The following OR51D1 variants were observed in gnomAD, a reference collection of about 807,000 sequenced individuals.
The protein encoded by OR51D1 is olfactory receptor 51D1.
For missense variants in OR51D1, 452 were observed against 396.2 expected, an observed-to-expected ratio of 1.14 and a Z score of -1.20; for synonymous variants, 187 against 161.1, an observed-to-expected ratio of 1.16 and a Z score of -1.22.
rs766483822 is a variant in OR51D1 at position 4,640,283 on chromosome 11, G to T, written c.493G>T (p.Gly165Trp). The T allele has an allele frequency of 1.3e-5, 21 of 1,614,048 alleles. No individual in the cohort carries two copies. Among genetic ancestry groups the T allele is most frequent in the African/African-American group, 2.7e-5 (2 of 74,910 alleles). Residue 165 changes from glycine to tryptophan, a missense_variant, in exon 2 of 2, where the codon GGG becomes TGG. Gly to Trp is a radical substitution (Grantham distance 184, BLOSUM62 -2). Transcript: ENST00000641817. ...AKIGLSALTR[G>W]FVFFFPLPFI... ...GATTGGACTATCTGCCCTGACCAGG[G>T]GGTTTGTATTCTTCTTCCCACTGCC...
chr11:4,640,394 T>C lies in OR51D1; in HGVS notation c.604T>C (p.Cys202Arg). The change falls in exon 2 of 2, where the codon TGT becomes CGT. Residue 202 changes from cysteine (C) to arginine (R), a missense_variant. By Grantham distance (180) the Cys-to-Arg change is radical. Coordinates refer to ENST00000641817, the MANE Select transcript of OR51D1 (RefSeq NM_001004751.3). ...GCACCAAGATATTATGAAGCTGTCC[T>C]GTACTGACACCAGGGTCAATGTGGT... ...CLHQDIMKLS[C>R]TDTRVNVVYG... The C allele has an allele frequency of 6.2e-7, 1 of 1,614,244 alleles. No homozygotes were observed. The highest frequency in any genetic ancestry group is 8.5e-7 in the Non-Finnish European group (1 of 1,180,038).
Position 4,640,543 on chromosome 11 carries a change from C to T in OR51D1, c.753C>T (p.Phe251=). The T allele has an allele frequency of 6.2e-7, 1 of 1,613,850 alleles. No individual in the cohort carries two copies. Among genetic ancestry groups the T allele is most frequent in the South Asian group, 1.1e-5 (1 of 91,068 alleles). The change falls in exon 2 of 2, where the codon TTC becomes TTT. Residue 251 remains phenylalanine, a synonymous_variant. Coordinates refer to ENST00000641817, the MANE Select transcript of OR51D1 (RefSeq NM_001004751.3). Reference sequence around the variant, plus strand: ...CTCGGAGGGCAGCACTCAAGGCTTTCAACACCTGCATCTCCCACCTCTGTG... The same window carrying T: ...CTCGGAGGGCAGCACTCAAGGCTTTTAACACCTGCATCTCCCACCTCTGTG... ...LSSRRAALKA[F]NTCISHLCAV...
intron 1 of OR51D1, 165 bp from the exon 2 acceptor site, chr11:4,639,612 A>T: frequency 1.5e-6 from 1 of 662,022 alleles, no homozygotes; most frequent in South Asian, 2.0e-5. Context: ...AGGAAGTTGT[A>T]TATAAGGAGA....
rs1377763501 is a variant in OR51D1 at position 4,641,711 on chromosome 11, G to A, written c.*946G>A. On this transcript the variant is annotated 3_prime_UTR_variant, in exon 2 of 2. Transcript: ENST00000641817. ...TGGTGCATGAATGTGTGGAATGTGT[G>A]GAATGTGTAGTATTGGGATGCCTGT... The A allele has an allele frequency of 1.3e-5, 2 of 152,538 alleles. No individual in the cohort carries two copies. Among genetic ancestry groups the A allele is most frequent in the African/African-American group, 4.8e-5 (2 of 41,402 alleles). The allele number at this position is 152,538 out of a possible 1,614,324, so 9.4% of individuals were successfully genotyped here. A position where few individuals can be genotyped will look rare whatever the true frequency, so the allele number is the denominator to read the frequency against.
chr11:4,640,901 T>A lies in OR51D1; in HGVS notation c.*136T>A. 2 of 781,096 alleles carry A rather than the reference T, an allele frequency of 2.6e-6. No homozygotes were observed. The highest frequency in any genetic ancestry group is 4.0e-6 in the Non-Finnish European group (2 of 497,150). 48.4% of individuals were successfully genotyped at this position (781,096 alleles called of 1,614,324 possible). ...CAATTTAAGTAGATCATGTATTCTG[T>A]CTCCAGGAATGTGTCAGTACTGAAC... On this transcript the variant is annotated 3_prime_UTR_variant, in exon 2 of 2. Coordinates refer to ENST00000641817, the MANE Select transcript of OR51D1 (RefSeq NM_001004751.3).
At position 4,640,531 on chromosome 11, in the gene OR51D1, A is replaced by G. The variant is rs757586965; in HGVS notation, c.741A>G (p.Ala247=). The stretch of plus-strand genomic sequence containing the variant: ...TGGAGCTGTCCTCTCGGAGGGCAGC[A>G]CTCAAGGCTTTCAACACCTGCATCT... ...AVLELSSRRA[A]LKAFNTCISH... The change falls in exon 2 of 2, where the codon GCA becomes GCG. Residue 247 remains alanine (A), a synonymous_variant. Coordinates refer to ENST00000641817, the MANE Select transcript of OR51D1 (RefSeq NM_001004751.3). 228 of 1,611,972 alleles carry G rather than the reference A, an allele frequency of 1.4e-4. No individual in the cohort carries two copies. The highest frequency in any genetic ancestry group is 1.9e-4 in the Non-Finnish European group (226 of 1,179,768).
chr11:4,638,424 AG>A (rs1260247695), intron 1 of OR51D1, among the ~76,000 whole-genome samples: 2 of 152,180 alleles, frequency 1.3e-5, no homozygotes, highest in Admixed American at 1.3e-4. Flanking sequence ...GAGAGAAAGA[AG>A]TTGAGCCTGG....
rs1846961021 is a variant in OR51D1 at position 4,640,915 on chromosome 11, T to A, written c.*150T>A. On this transcript the variant is annotated 3_prime_UTR_variant, in exon 2 of 2. Coordinates refer to ENST00000641817, the MANE Select transcript of OR51D1 (RefSeq NM_001004751.3). ...CATGTATTCTGTCTCCAGGAATGTG[T>A]CAGTACTGAACTTATGACCCTGTCT... 2.8e-6 allele frequency: 2 copies of A among 708,062 alleles called. No individual in the cohort carries two copies. The highest frequency in any genetic ancestry group is 3.8e-5 in the South Asian group (2 of 52,770). The allele number at this position is 708,062 out of a possible 1,614,324, so 43.9% of individuals were successfully genotyped here. A position where few individuals can be genotyped will look rare whatever the true frequency, so the allele number is the denominator to read the frequency against.
In OR51D1 at chr11:4,639,842, C is replaced by T; in HGVS notation, c.52C>T (p.Leu18=). 6.2e-7 allele frequency: 1 copy of T among 1,614,196 alleles called. No individual in the cohort carries two copies. Among genetic ancestry groups the T allele is most frequent in the Non-Finnish European group, 8.5e-7 (1 of 1,180,014 alleles). ...TATCATAGCCACTTCAAATGGAAAT[C>T]TGGTCCACGCAGCATACTTCCTTTT... is the stretch of plus-strand genomic sequence containing the variant. ...VPIIATSNGN[L]VHAAYFLLVG... Residue 18 remains leucine, a synonymous_variant, in exon 2 of 2, where the codon CTG becomes TTG. Coordinates refer to ENST00000641817, the MANE Select transcript of OR51D1 (RefSeq NM_001004751.3).
At position 4,641,994 on chromosome 11, in the gene OR51D1, G is replaced by A. The variant is rs898148011; in HGVS notation, c.*1229G>A. On this transcript the variant is annotated 3_prime_UTR_variant, in exon 2 of 2. Coordinates refer to ENST00000641817, the MANE Select transcript of OR51D1 (RefSeq NM_001004751.3). ...ATTTCTGAGCATGGATTGATGTGTGGTGTCTGTATGTATCTTGGAATGGAG... is the reference window on the plus strand; with the variant it reads ...ATTTCTGAGCATGGATTGATGTGTGATGTCTGTATGTATCTTGGAATGGAG... The A allele has an allele frequency of 5.2e-5, 8 of 152,762 alleles. No homozygotes were observed. Among genetic ancestry groups the A allele is most frequent in the African/African-American group, 1.7e-4 (7 of 41,556 alleles). 9.5% of individuals were successfully genotyped at this position (152,762 alleles called of 1,614,324 possible).
rs200824770 is a variant in OR51D1 at position 4,640,139 on chromosome 11, A to G, written c.349A>G (p.Ile117Val). ...FNICLAQMFL[I>V]HALSAVESAV... ...CATTTGCCTGGCCCAGATGTTCCTT[A>G]TCCATGCTCTGTCAGCCGTGGAGTC... The change falls in exon 2 of 2, where the codon ATC becomes GTC. Residue 117 changes from isoleucine (I) to valine (V), a missense_variant. Physicochemically the swap from Ile to Val is conservative, Grantham distance 29 (BLOSUM62 3). Transcript: ENST00000641817. 1.6e-4 allele frequency: 264 copies of G among 1,614,120 alleles called. 1 individual carries two copies. In the South Asian group the frequency reaches 2.2e-3, roughly 14 times the overall value.
chr11:4,640,342 A>G lies in OR51D1; in HGVS notation c.552A>G (p.Thr184=). 1 of 1,614,178 alleles carries G rather than the reference A, an allele frequency of 6.2e-7. No individual in the cohort carries two copies. Among genetic ancestry groups the G allele is most frequent in the Non-Finnish European group, 8.5e-7 (1 of 1,180,026 alleles). The change falls in exon 2 of 2, where the codon ACA becomes ACG. Residue 184 remains threonine, a synonymous_variant. Transcript: ENST00000641817. ...FILKWLSYCQ[T]HTVTHSFCLH... is the part of the protein sequence containing the mutation. ...TCAAGTGGTTGTCCTACTGCCAAACACATACTGTCACACACTCCTTCTGTC... is the reference window on the plus strand; with the variant it reads ...TCAAGTGGTTGTCCTACTGCCAAACGCATACTGTCACACACTCCTTCTGTC...
At position 4,640,618 on chromosome 11, in the gene OR51D1, G is replaced by A; in HGVS notation, c.828G>A (p.Arg276=). Residue 276 remains arginine (R), a synonymous_variant, in exon 2 of 2, where the codon AGG becomes AGA. Coordinates refer to ENST00000641817, the MANE Select transcript of OR51D1 (RefSeq NM_001004751.3). ...TCATTGGGCTCTCGGTGGTGCATAG[G>A]CTGGGTGGTCCCACCTCCCTCCTCC... The part of the protein sequence containing the change: ...VPLIGLSVVH[R]LGGPTSLLHV... 6.3e-7 allele frequency: 1 copy of A among 1,588,784 alleles called. No homozygotes were observed. Among genetic ancestry groups the A allele is most frequent in the Non-Finnish European group, 8.6e-7 (1 of 1,169,106 alleles).
In OR51D1 at chr11:4,639,822, T is replaced by C; in HGVS notation, c.32T>C (p.Ile11Thr). The part of the protein sequence containing the change: MQKPQLLVPI[I>T]ATSNGNLVHA... ...AAGCCCCAGCTCTTGGTCCCTATCA[T>C]AGCCACTTCAAATGGAAATCTGGTC... Residue 11 changes from isoleucine to threonine, a missense_variant, in exon 2 of 2, where the codon ATA becomes ACA. By Grantham distance (89) the Ile-to-Thr change is moderately conservative. Coordinates refer to ENST00000641817, the MANE Select transcript of OR51D1 (RefSeq NM_001004751.3). 2 of 1,614,176 alleles carry C rather than the reference T, an allele frequency of 1.2e-6. No individual in the cohort carries two copies. The highest frequency in any genetic ancestry group is 1.7e-6 in the Non-Finnish European group (2 of 1,179,996).
Position 4,641,187 on chromosome 11 carries a change from G to C in OR51D1, c.*422G>C, listed in dbSNP as rs1410016988. The C allele has an allele frequency of 6.1e-6, 1 of 165,234 alleles. No homozygotes were observed. The highest frequency in any genetic ancestry group is 2.4e-5 in the African/African-American group (1 of 41,664). The allele number at this position is 165,234 out of a possible 1,614,324, so 10.2% of individuals were successfully genotyped here. Reference sequence around the variant, plus strand: ...AGTGGTTACCCAGCCATAATCAGGGGTTAATGAAGGTATTTGGGGAATAGT... The same window carrying C: ...AGTGGTTACCCAGCCATAATCAGGGCTTAATGAAGGTATTTGGGGAATAGT... On this transcript the variant is annotated 3_prime_UTR_variant, in exon 2 of 2. Coordinates refer to ENST00000641817, the MANE Select transcript of OR51D1 (RefSeq NM_001004751.3).
rs1846953923 is a variant in OR51D1, at chr11:4,640,533, T to G, written c.743T>G (p.Leu248Arg). Residue 248 changes from leucine (L) to arginine (R), a missense_variant, in exon 2 of 2, where the codon CTC becomes CGC. By Grantham distance (102) the Leu-to-Arg change is moderately radical (BLOSUM62 -2). Transcript: ENST00000641817. ...VLELSSRRAA[L>R]KAFNTCISHL... is the part of the protein sequence containing the mutation. Reference sequence around the variant, plus strand: ...GAGCTGTCCTCTCGGAGGGCAGCACTCAAGGCTTTCAACACCTGCATCTCC... The same window carrying G: ...GAGCTGTCCTCTCGGAGGGCAGCACGCAAGGCTTTCAACACCTGCATCTCC... The G allele has an allele frequency of 7.4e-6, 12 of 1,613,958 alleles. No homozygotes were observed. Among genetic ancestry groups the G allele is most frequent in the Non-Finnish European group, 1.0e-5 (12 of 1,180,002 alleles).
chr11:4,640,692 CCCTTG>C lies in OR51D1; in HGVS notation c.903_907del (p.Val303TrpfsTer42). The C allele has an allele frequency of 6.2e-7, 1 of 1,613,910 alleles. No homozygotes were observed. Among genetic ancestry groups the C allele is most frequent in the Non-Finnish European group, 8.5e-7 (1 of 1,179,966 alleles). On this transcript the variant is annotated frameshift_variant, in exon 2 of 2. Transcript: ENST00000641817. LOFTEE classifies it high-confidence loss of function. ...TTGCTGCTACCACCTGTAGTCAACC[CCCTTG>C]TCTATGGAGCCAAGACCAAAGAGAT...
intron 1 of OR51D1, among the ~76,000 whole-genome samples, chr11:4,639,364 C>T (rs1416910585): frequency 3.3e-5 from 5 of 152,154 alleles, no homozygotes; most frequent in African/African-American, 1.2e-4. Flanking sequence ...CCACCCTAAC[C>T]CCAGGATACA....
Position 4,640,932 on chromosome 11 carries a change from A to C in OR51D1, c.*167A>C. 2 of 622,344 alleles carry C rather than the reference A, an allele frequency of 3.2e-6. No homozygotes were observed. The highest frequency in any genetic ancestry group is 2.2e-5 in the South Asian group (1 of 45,354). The allele number at this position is 622,344 out of a possible 1,614,324, so 38.6% of individuals were successfully genotyped here. On this transcript the variant is annotated 3_prime_UTR_variant, in exon 2 of 2. Transcript: ENST00000641817. ...GGAATGTGTCAGTACTGAACTTATG[A>C]CCCTGTCTGGACATCCTGGAGAATG...
Sources: gnomAD v4.1 joint callset for allele counts (sites outside exome capture counted in the v4.1 genomes callset) on GRCh38, gnomAD v4.1.1 for gene constraint, MANE v1.5 for transcripts, NCBI Gene and HGNC (gene_info 2026-07-23, HGNC 2026-07-21) for gene names.